RALY: variants seen among roughly 807,000 people sequenced by gnomAD.
The protein encoded by RALY is RNA-binding protein Raly.
RALY carries 15 observed loss-of-function variants against 30.7 expected under a neutral mutation model. The ratio of observed to expected loss-of-function variants is 0.49; its 90% CI spans 0.33 to 0.75. RALY has a LOEUF of 0.75. Among genes scored for constraint, RALY ranks in the 30% least tolerant of loss-of-function variants. RALY has a pLI of 0.02. For missense variants in RALY, 339 were observed against 414.3 expected (o/e 0.82, Z 1.58); for synonymous variants, 177 against 170.8 (o/e 1.04, Z -0.28).
At chr20:34,047,841 A>T (rs2032936232) in intron 2 of RALY, among the ~76,000 whole-genome samples, 1 of 152,206 alleles carries the variant, frequency 6.6e-6, no homozygotes, top group Non-Finnish European at 1.5e-5. Context: ...TTTGAAGGCC[A>T]GTATCCCTAG....
chr20:34,044,242 T>A (rs550279642), intron 2 of RALY, among the ~76,000 whole-genome samples: 1 of 152,296 alleles, frequency 6.6e-6, no homozygotes, highest in East Asian at 1.9e-4. Context: ...GTTTTACACA[T>A]AGCATGCAAC....
At chr20:34,003,248 C>G (rs983246861) in intron 1 of RALY, among the ~76,000 whole-genome samples, 1 of 152,168 alleles carries the variant, frequency 6.6e-6, no homozygotes, top group Non-Finnish European at 1.5e-5. Flanking sequence ...CTTTGAAGTT[C>G]CATTTTCTCA....
chr20:34,076,007 A>G lies in RALY; in HGVS notation c.511A>G (p.Thr171Ala). 6.2e-7 allele frequency: 1 copy of G among 1,614,248 alleles called. No individual in the cohort carries two copies. The highest frequency in any genetic ancestry group is 8.5e-7 in the Non-Finnish European group (1 of 1,180,032). ...NVPVKLFARS[T>A]AVTTSSAKIK... ...ACCTGTCAAGCTCTTTGCCCGCTCC[A>G]CAGCTGTCACCACCAGCTCAGCCAA... Residue 171 changes from threonine (T) to alanine (A), a missense_variant, in exon 6 of 10, where the codon ACA becomes GCA. Thr to Ala is a moderately conservative substitution (Grantham distance 58, BLOSUM62 0). Transcript: ENST00000246194.
rs117235763 is a variant in RALY at position 34,026,269 on chromosome 20, T to G, written c.-92-5253T>G. On this transcript the variant is annotated intron_variant, in intron 1 of 9. Coordinates refer to ENST00000246194, the MANE Select transcript of RALY (RefSeq NM_016732.3). ...GTTTGGACAAGCAAACTCCCTTCAT[T>G]TAACATTTACAAAGAGGAATTCCTG... Among the ~76,000 whole-genome samples the G allele has an allele frequency of 9.9e-3, 1,501 of 152,218 alleles. 10 individuals carry two copies. Among genetic ancestry groups the G allele is most frequent in the Non-Finnish European group, 0.015 (1,000 of 68,006 alleles).
intron 2 of RALY, among the ~76,000 whole-genome samples, chr20:34,055,513 A>T (rs1461360120): frequency 6.6e-6 from 1 of 152,132 alleles, no homozygotes. Flanking sequence ...GATACTCCCT[A>T]AGCACCCACT....
At chr20:34,061,211 C>CG (rs1407709717) in intron 2 of RALY, among the ~76,000 whole-genome samples, 4 of 152,160 alleles carry the variant, frequency 2.6e-5, no homozygotes, top group Non-Finnish European at 4.4e-5. Flanking sequence ...CCTAGATTGT[C>CG]TTCCCTTGCA....
chr20:34,035,992 T>C (rs1868968887), intron 2 of RALY, among the ~76,000 whole-genome samples: 1 of 152,132 alleles, frequency 6.6e-6, no homozygotes, highest in Non-Finnish European at 1.5e-5. Context: ...CCAGTGTGGC[T>C]ACAGATGGAG....
chr20:34,008,651 G>GT (rs2031268230), intron 1 of RALY, among the ~76,000 whole-genome samples: 1 of 152,286 alleles, frequency 6.6e-6, no homozygotes, highest in Non-Finnish European at 1.5e-5. Context: ...TTGGCCTGCA[G>GT]TAGTGGTGTC....
At chr20:34,022,520 G>A (rs1253612049) in intron 1 of RALY, among the ~76,000 whole-genome samples, 1 of 151,974 alleles carries the variant, frequency 6.6e-6, no homozygotes, top group African/African-American at 2.4e-5. Flanking sequence ...AGCACATAAG[G>A]CCCCTACGAA....
chr20:34,083,894 C>G lies in RALY; in HGVS notation c.*3989C>G, dbSNP rs1174201388. The G allele has an allele frequency of 1.3e-5, 2 of 152,208 alleles. No homozygotes were observed. Among genetic ancestry groups the G allele is most frequent in the Admixed American group, 1.3e-4 (2 of 15,278 alleles). 9.4% of individuals were successfully genotyped at this position (152,208 alleles called of 1,614,324 possible). A position where few individuals can be genotyped will look rare whatever the true frequency, so the allele number is the denominator to read the frequency against. On this transcript the variant is annotated 3_prime_UTR_variant, in exon 10 of 10. Coordinates refer to ENST00000246194, the MANE Select transcript of RALY (RefSeq NM_016732.3). ...ATCATTGATTGATTGAGGTTTTAGG[C>G]AAATCAAAATCCCTCCACCAGTAGC...
intron 1 of RALY, among the ~76,000 whole-genome samples, chr20:34,018,201 G>C (rs529323719): frequency 1.2e-4 from 18 of 152,374 alleles, no homozygotes; most frequent in Non-Finnish European, 2.1e-4. Flanking sequence ...TAAGGTTGTA[G>C]TAGTAGCCAT....
intron 2 of RALY, among the ~76,000 whole-genome samples, chr20:34,041,637 T>C (rs1416446777): frequency 6.6e-6 from 1 of 152,224 alleles, no homozygotes; most frequent in Non-Finnish European, 1.5e-5. Context: ...CAACCCCTTA[T>C]AGGGTGTTAT....
chr20:34,071,987 A>G lies in RALY; in HGVS notation c.-9-79A>G. On this transcript the variant is annotated intron_variant, in intron 2 of 9. Coordinates refer to ENST00000246194, the MANE Select transcript of RALY (RefSeq NM_016732.3). ...GGTTAAGGAAGGTAAGAGGCAATTC[A>G]TTTATCCAGGATATGGGCCGTGGGC... is the stretch of plus-strand genomic sequence containing the variant. The G allele has an allele frequency of 2.0e-6, 3 of 1,492,382 alleles. No homozygotes were observed. The South Asian group carries it at 3.9e-5, about 19-fold the overall frequency. The allele number at this position is 1,492,382 out of a possible 1,614,324, so 92.4% of individuals were successfully genotyped here. A position where few individuals can be genotyped will look rare whatever the true frequency, so the allele number is the denominator to read the frequency against.
intron 1 of RALY, among the ~76,000 whole-genome samples, chr20:34,015,685 A>G (rs963206243): frequency 2.6e-5 from 4 of 152,030 alleles, no homozygotes; most frequent in Non-Finnish European, 5.9e-5. Context: ...TTCTGCAGAT[A>G]GGTTTGCCCT....
rs60912814 is a variant in RALY, at chr20:34,053,383, A to ATTTTTTTTTTTT, written c.-9-18662_-9-18651dup. ...GCCAACATTTAGTAGATGTTCAATA[A>ATTTTTTTTTTTT]TTTTTTTTTTTTTTTTTTTTTTTTT... On this transcript the variant is annotated intron_variant, in intron 2 of 9. Coordinates refer to ENST00000246194, the MANE Select transcript of RALY (RefSeq NM_016732.3). 2.7e-3 allele frequency among the ~76,000 whole-genome samples: 147 copies of ATTTTTTTTTTTT among 54,140 alleles called. 22 individuals are homozygous for ATTTTTTTTTTTT. Among genetic ancestry groups the ATTTTTTTTTTTT allele is most frequent in the East Asian group, 5.0e-3 (7 of 1,400 alleles). The allele number at this position is 54,140 out of a possible 152,430, so 35.5% of individuals were successfully genotyped here.
intron 2 of RALY, among the ~76,000 whole-genome samples, chr20:34,045,588 G>A (rs1004539018): frequency 6.6e-6 from 1 of 152,222 alleles, no homozygotes; most frequent in Non-Finnish European, 1.5e-5. Context: ...AGCCAGGCCA[G>A]GATTGGGAAC....
intron 2 of RALY, among the ~76,000 whole-genome samples, chr20:34,047,866 G>A (rs2032938128): frequency 1.3e-5 from 2 of 152,164 alleles, no homozygotes; most frequent in Non-Finnish European, 1.5e-5. Flanking sequence ...TAGCAGCAAC[G>A]TCAGCACTGC....
At position 34,083,164 on chromosome 20, in the gene RALY, A is replaced by G. The variant is rs541343493; in HGVS notation, c.*3259A>G. ...ACCACCCCCAAATTTAGTAGCCTTA[A>G]TAAACATTTATTAGCTCCTGAGTGA... On this transcript the variant is annotated 3_prime_UTR_variant, in exon 10 of 10. Coordinates refer to ENST00000246194, the MANE Select transcript of RALY (RefSeq NM_016732.3). The G allele has an allele frequency of 6.6e-6, 1 of 152,344 alleles. No homozygotes were observed. The highest frequency in any genetic ancestry group is 1.9e-4 in the East Asian group (1 of 5,186). The allele number at this position is 152,344 out of a possible 1,614,324, so 9.4% of individuals were successfully genotyped here. A position where few individuals can be genotyped will look rare whatever the true frequency, so the allele number is the denominator to read the frequency against.
chr20:34,026,694 C>T (rs1255814105), intron 1 of RALY, among the ~76,000 whole-genome samples: 4 of 152,076 alleles, frequency 2.6e-5, no homozygotes, highest in Non-Finnish European at 5.9e-5. Context: ...TAAACCTGCT[C>T]AGGTGTCTCC....
Sources: gnomAD v4.1 joint callset for allele counts (sites outside exome capture counted in the v4.1 genomes callset) on GRCh38, gnomAD v4.1.1 for gene constraint, MANE v1.5 for transcripts, NCBI Gene and HGNC (gene_info 2026-07-23, HGNC 2026-07-21) for gene names.